Variants in CERK observed in about 807,000 individuals in gnomAD.
The protein encoded by CERK is acylsphingosine kinase.
Under a neutral mutation model 63.4 loss-of-function variants are expected in CERK, and 39 were observed. That is an observed-to-expected ratio of 0.61 (90% CI 0.48 to 0.80). The LOEUF is 0.80. Among genes scored for constraint, CERK ranks in the 30% least tolerant of loss-of-function variants. CERK has a pLI of 0.00. For synonymous variants in CERK, 302 were observed against 280.0 expected (o/e 1.08, Z -0.78); for missense variants, 670 against 714.1 (o/e 0.94, Z 0.70).
At position 46,707,809 on chromosome 22, in the gene CERK, G is replaced by C. The variant is rs190992419; in HGVS notation, c.715+34C>G. On this transcript the variant is annotated intron_variant, in intron 6 of 12. Transcript: ENST00000216264. ...CAGAACAATTCCTAAGGACGGGAAC[G>C]AAGAGAACAGAGAATGCCAGGCCGG... 8 of 1,581,324 alleles carry C rather than the reference G, an allele frequency of 5.1e-6. No individual in the cohort carries two copies. In the Admixed American group the frequency reaches 1.4e-4, roughly 28 times the overall value.
intron 12 of CERK, among the ~76,000 whole-genome samples, chr22:46,689,371 G>C (rs1308083266): frequency 1.3e-5 from 2 of 152,218 alleles, no homozygotes; most frequent in East Asian, 3.8e-4. Context: ...TCCTTTGTTT[G>C]CCTTTTGAAA....
chr22:46,700,408 T>C (rs1195278807), intron 7 of CERK, among the ~76,000 whole-genome samples: 3 of 151,416 alleles, frequency 2.0e-5, no homozygotes, highest in African/African-American at 7.3e-5. Context: ...TAAAATAAAG[T>C]AAAATAGAAT....
chr22:46,720,690 T>C (rs1258813893), intron 2 of CERK, among the ~76,000 whole-genome samples: 1 of 151,852 alleles, frequency 6.6e-6, no homozygotes, highest in Admixed American at 6.6e-5. Flanking sequence ...AGCAAAACTC[T>C]GTCTCAAAAA....
intron 6 of CERK, among the ~76,000 whole-genome samples, chr22:46,706,199 C>A (rs980861223): frequency 2.0e-5 from 3 of 152,234 alleles, no homozygotes; most frequent in Non-Finnish European, 4.4e-5. Flanking sequence ...GCTGGGTGCC[C>A]CACCGAGGAC....
chr22:46,694,491 C>T (rs1206407675), intron 9 of CERK, among the ~76,000 whole-genome samples: 3 of 152,078 alleles, frequency 2.0e-5, no homozygotes, highest in Non-Finnish European at 4.4e-5. Context: ...CGCAGCGTTT[C>T]CAGCTGTGTT....
At chr22:46,702,637 A>G (rs942289364) in intron 6 of CERK, among the ~76,000 whole-genome samples, 12 of 152,216 alleles carry the variant, frequency 7.9e-5, no homozygotes, top group Admixed American at 2.6e-4. Context: ...ACACACAGCC[A>G]TTACTTGAGA....
At chr22:46,695,129 A>G in intron 9 of CERK, 81 bp downstream of exon 9, 1 of 774,454 alleles carries the variant, frequency 1.3e-6, no homozygotes, top group Non-Finnish European at 2.2e-6. Flanking sequence ...CATTTGGAAA[A>G]TACTTCTGCA....
At chr22:46,729,150 G>A (rs1197254161) in intron 1 of CERK, among the ~76,000 whole-genome samples, 2 of 152,118 alleles carry the variant, frequency 1.3e-5, no homozygotes, top group Non-Finnish European at 2.9e-5. Flanking sequence ...ACTGCTTGAG[G>A]CCAGAAGATT....
intron 3 of CERK, among the ~76,000 whole-genome samples, chr22:46,717,980 C>G (rs2146577458): frequency 6.6e-6 from 1 of 152,228 alleles, no homozygotes; most frequent in Admixed American, 6.6e-5. Context: ...ACTTAGGAGG[C>G]TGAGACAGGA....
chr22:46,701,959 T>C (rs1227393447), intron 6 of CERK, among the ~76,000 whole-genome samples: 1 of 152,160 alleles, frequency 6.6e-6, no homozygotes, highest in African/African-American at 2.4e-5. Context: ...GGTGGGCGGA[T>C]GACTTGAGGT....
rs1180295557 is a variant in CERK at position 46,699,188 on chromosome 22, G to C, written c.943+125C>G. 3.0e-6 allele frequency: 3 copies of C among 990,368 alleles called. No homozygotes were observed. The East Asian group carries it at 7.2e-5, about 24-fold the overall frequency. 61.3% of individuals were successfully genotyped at this position (990,368 alleles called of 1,614,324 possible). A position where few individuals can be genotyped will look rare whatever the true frequency, so the allele number is the denominator to read the frequency against. ...CCCGGCACATTTCATGAGGCCCTTA[G>C]CTTCCCGTCTGTGAGCAGGTGGGGG... On this transcript the variant is annotated intron_variant, in intron 8 of 12. Transcript: ENST00000216264.
chr22:46,729,543 G>C (rs1275472336), intron 1 of CERK, among the ~76,000 whole-genome samples: 1 of 151,840 alleles, frequency 6.6e-6, no homozygotes, highest in East Asian at 1.9e-4. Context: ...TGAGTAGCTG[G>C]GACTACAGGC....
intron 5 of CERK, among the ~76,000 whole-genome samples, chr22:46,709,748 C>T (rs1369439051): frequency 6.6e-6 from 1 of 152,150 alleles, no homozygotes; most frequent in Non-Finnish European, 1.5e-5. Context: ...TAGCTAAACT[C>T]AAGATGAAGA....
intron 6 of CERK, among the ~76,000 whole-genome samples, chr22:46,706,315 C>G (rs1200716216): frequency 1.3e-5 from 2 of 152,234 alleles, no homozygotes; most frequent in African/African-American, 4.8e-5. Flanking sequence ...CCGCTCTCCC[C>G]ACTCCTAACT....
chr22:46,692,962 G>A (rs2082739106), intron 10 of CERK, among the ~76,000 whole-genome samples: 1 of 149,816 alleles, frequency 6.7e-6, no homozygotes, highest in Non-Finnish European at 1.5e-5. Flanking sequence ...ATAATATTTT[G>A]TGACATGTGG....
intron 1 of CERK, among the ~76,000 whole-genome samples, chr22:46,736,601 G>A (rs2082974997): frequency 6.6e-6 from 1 of 152,238 alleles, no homozygotes; most frequent in Non-Finnish European, 1.5e-5. Context: ...TGTTCTCCTT[G>A]TGTGTGGGCC....
chr22:46,688,923 C>G (rs2146538906), intron 12 of CERK, among the ~76,000 whole-genome samples: 1 of 152,350 alleles, frequency 6.6e-6, no homozygotes, highest in Admixed American at 6.5e-5. Flanking sequence ...AATTCAGTGG[C>G]CTTTTGAAAA....
At chr22:46,690,248 CTG>C in intron 11 of CERK, 48 bp from the exon 12 acceptor site, 1 of 1,542,416 alleles carries the variant, frequency 6.5e-7, no homozygotes, top group Non-Finnish European at 8.9e-7. Flanking sequence ...ACGTCATCGT[CTG>C]GGTGGGGCAG....
intron 1 of CERK, among the ~76,000 whole-genome samples, chr22:46,737,748 G>T: frequency 6.6e-6 from 1 of 152,234 alleles, no homozygotes; most frequent in South Asian, 2.1e-4. Context: ...ACCTCCCCGC[G>T]GGGATGGGGC....
Sources: gnomAD v4.1 joint callset for allele counts (sites outside exome capture counted in the v4.1 genomes callset) on GRCh38, gnomAD v4.1.1 for gene constraint, MANE v1.5 for transcripts, NCBI Gene and HGNC (gene_info 2026-07-23, HGNC 2026-07-21) for gene names.